CPE: variants seen among roughly 807,000 people sequenced by gnomAD.
CPE encodes the protein carbocypeptidase E.
Under a neutral mutation model 53.5 loss-of-function variants are expected in CPE, and 17 were observed. That is an observed-to-expected ratio of 0.32 (90% confidence interval 0.22 to 0.48). CPE has a LOEUF of 0.48. CPE is among the 20% of genes least tolerant of loss of function. The pLI, the probability that CPE is intolerant of heterozygous loss-of-function variation, is 0.99. For missense variants in CPE, 524 were observed against 614.7 expected, an observed-to-expected ratio of 0.85 and a Z score of 1.56; for synonymous variants, 226 against 228.8, an observed-to-expected ratio of 0.99 and a Z score of 0.11.
At chr4:165,486,320 A>G (rs1023269271) in intron 5 of CPE, among the ~76,000 whole-genome samples, 6 of 152,292 alleles carry the variant, frequency 3.9e-5, no homozygotes, top group African/African-American at 1.4e-4. Flanking sequence ...TGCTAATTTG[A>G]GTCAGATTTA....
chr4:165,458,433 CA>C (rs1731939020), intron 1 of CPE, among the ~76,000 whole-genome samples: 1 of 152,116 alleles, frequency 6.6e-6, no homozygotes, highest in African/African-American at 2.4e-5. Flanking sequence ...ATATAACTTC[CA>C]AATGAATTAG....
intron 3 of CPE, among the ~76,000 whole-genome samples, chr4:165,474,595 C>T (rs2126706764): frequency 6.6e-6 from 1 of 152,336 alleles, no homozygotes; most frequent in Admixed American, 6.5e-5. Context: ...CATCTCATCA[C>T]AATTACCCAC....
chr4:165,476,877 AG>A (rs1560893630), intron 3 of CPE, among the ~76,000 whole-genome samples: 1 of 152,086 alleles, frequency 6.6e-6, no homozygotes, highest in African/African-American at 2.4e-5. Flanking sequence ...TTCATGGGAG[AG>A]GGGGAGCCAG....
Position 165,425,572 on chromosome 4 carries a change from A to G in CPE, c.308-38818A>G, listed in dbSNP as rs529287304. Among the ~76,000 whole-genome samples, 62 of 152,072 alleles carry G rather than the reference A, an allele frequency of 4.1e-4. No individual in the cohort carries two copies. The South Asian group carries it at 0.013, about 31-fold the overall frequency. On this transcript the variant is annotated intron_variant, in intron 1 of 8. Coordinates refer to ENST00000402744, the MANE Select transcript of CPE (RefSeq NM_001873.4). ...AAAAGGAGCAAGGAATAAAAAAAAT[A>G]TTTTGGCAAATTTACTAGATATTGA...
intron 1 of CPE, among the ~76,000 whole-genome samples, chr4:165,461,272 T>G (rs186836016): frequency 6.6e-6 from 1 of 152,002 alleles, no homozygotes; most frequent in African/African-American, 2.4e-5. Flanking sequence ...TTAGCCATAC[T>G]TAGAAGGCTG....
chr4:165,392,922 T>C (rs1730708612), intron 1 of CPE, among the ~76,000 whole-genome samples: 1 of 149,758 alleles, frequency 6.7e-6, no homozygotes, highest in South Asian at 2.1e-4. Context: ...AGTTATATAG[T>C]ATATAATTAT....
chr4:165,394,894 T>C (rs1171185015), intron 1 of CPE, among the ~76,000 whole-genome samples: 1 of 152,192 alleles, frequency 6.6e-6, no homozygotes, highest in African/African-American at 2.4e-5. Flanking sequence ...ATTGCATGTT[T>C]AATGAACAGC....
chr4:165,452,694 T>C (rs562644387), intron 1 of CPE, among the ~76,000 whole-genome samples: 21 of 152,322 alleles, frequency 1.4e-4, no homozygotes, highest in South Asian at 1.2e-3. Context: ...TAACTCAGCC[T>C]GTACCTTCAT....
intron 1 of CPE, among the ~76,000 whole-genome samples, chr4:165,392,595 A>T (rs1730701960): frequency 6.8e-6 from 1 of 146,490 alleles, no homozygotes; most frequent in Non-Finnish European, 1.5e-5. Flanking sequence ...ATATTACATT[A>T]TTCCATTACT....
intron 3 of CPE, among the ~76,000 whole-genome samples, chr4:165,472,852 C>T (rs563419470): frequency 2.3e-4 from 35 of 152,278 alleles, no homozygotes; most frequent in African/African-American, 8.4e-4. Flanking sequence ...AAAAGTTTTC[C>T]AGTAGTCTCA....
At chr4:165,444,852 C>T (rs768515778) in intron 1 of CPE, among the ~76,000 whole-genome samples, 5 of 152,136 alleles carry the variant, frequency 3.3e-5, no homozygotes, top group East Asian at 1.9e-4. Context: ...CATTGCAAGT[C>T]GGATAGCTTT....
At position 165,467,749 on chromosome 4, in the gene CPE, G is replaced by T. The variant is rs756392535; in HGVS notation, c.566G>T (p.Arg189Leu). 6.2e-7 allele frequency: 1 copy of T among 1,613,392 alleles called. No homozygotes were observed. Among genetic ancestry groups the T allele is most frequent in the African/African-American group, 1.3e-5 (1 of 74,784 alleles). Residue 189 changes from arginine (R) to leucine (L), a missense_variant, in exon 3 of 9, where the codon CGG becomes CTG. Coordinates refer to ENST00000402744, the MANE Select transcript of CPE (RefSeq NM_001873.4). ...RSNAQGIDLN[R>L]NFPDLDRIVY... is the part of the protein sequence containing the mutation. ...AATGCCCAGGGAATAGATCTGAACC[G>T]GAACTTTCCAGACCTGGATAGGATA...
At chr4:165,457,758 A>G (rs552819388) in intron 1 of CPE, among the ~76,000 whole-genome samples, 7 of 152,342 alleles carry the variant, frequency 4.6e-5, no homozygotes, top group Admixed American at 2.6e-4. Flanking sequence ...AGAAGAGAGA[A>G]TATAATGCTG....
At chr4:165,409,116 G>A (rs577235615) in intron 1 of CPE, among the ~76,000 whole-genome samples, 7 of 152,272 alleles carry the variant, frequency 4.6e-5, no homozygotes, top group Middle Eastern at 3.4e-3. Flanking sequence ...AGTGGGTGGT[G>A]GTTCCGGAAT....
chr4:165,402,051 A>G (rs934947593), intron 1 of CPE, among the ~76,000 whole-genome samples: 2 of 152,190 alleles, frequency 1.3e-5, no homozygotes, highest in African/African-American at 4.8e-5. Flanking sequence ...TTTTTATATC[A>G]GTTCTTTCTT....
In CPE at chr4:165,497,603, A is replaced by AT; in HGVS notation, c.1429dup (p.Ter477LeufsTer16). 1 of 1,561,580 alleles carries AT rather than the reference A, an allele frequency of 6.4e-7. No individual in the cohort carries two copies. Among genetic ancestry groups the AT allele is most frequent in the Non-Finnish European group, 8.7e-7 (1 of 1,155,960 alleles). On this transcript the variant is annotated frameshift_variant, in exon 9 of 9. Coordinates refer to ENST00000402744, the MANE Select transcript of CPE (RefSeq NM_001873.4). LOFTEE classifies it high-confidence loss of function. ...TGGAAAATGATGTCAGAAACTTTAA[A>AT]TTTTTAAAAAGGCTTCTAGTTAGCT...
At chr4:165,398,977 T>C (rs530482219) in intron 1 of CPE, among the ~76,000 whole-genome samples, 37 of 152,358 alleles carry the variant, frequency 2.4e-4, no homozygotes, top group African/African-American at 8.9e-4. Flanking sequence ...CAACCTATTA[T>C]AACCAATTAA....
Position 165,412,091 on chromosome 4 carries a change from G to A in CPE, c.307+32563G>A, listed in dbSNP as rs112325123. On this transcript the variant is annotated intron_variant, in intron 1 of 8. Coordinates refer to ENST00000402744, the MANE Select transcript of CPE (RefSeq NM_001873.4). Reference sequence around the variant, plus strand: ...AGCAGGATTCAGTGATTTTTAGAAGGCATTTGGGCCCCAGCCAGCCTGAAA... The same window carrying A: ...AGCAGGATTCAGTGATTTTTAGAAGACATTTGGGCCCCAGCCAGCCTGAAA... Among the ~76,000 whole-genome samples, 762 of 152,300 alleles carry A rather than the reference G, an allele frequency of 5.0e-3. 10 individuals are homozygous for A. Among genetic ancestry groups the A allele is most frequent in the African/African-American group, 0.018 (728 of 41,568 alleles).
intron 3 of CPE, among the ~76,000 whole-genome samples, chr4:165,475,868 ATT>A (rs1254089741): frequency 2.4e-4 from 37 of 152,270 alleles, no homozygotes; most frequent in Non-Finnish European, 4.3e-4. Context: ...GAGCAGAGCC[ATT>A]GTGGCTGAGA....
Sources: allele counts gnomAD v4.1 joint callset (sites outside exome capture counted in the v4.1 genomes callset), GRCh38; gene constraint gnomAD v4.1.1; transcripts MANE v1.5; gene names NCBI Gene and HGNC (gene_info 2026-07-23, HGNC 2026-07-21).